AOAH: variants seen among roughly 807,000 people sequenced by gnomAD.
AOAH encodes the protein acyloxyacyl hydrolase, also known as acyloxyacyl hydrolase (neutrophil).
Under a neutral mutation model 92.2 loss-of-function variants are expected in AOAH, and 64 were observed. The ratio of observed to expected loss-of-function variants is 0.69; its 90% CI spans 0.57 to 0.86. The LOEUF (loss-of-function observed/expected upper bound fraction) is 0.86. AOAH is among the 40% of genes least tolerant of loss of function. The pLI is 0.00. For missense variants in AOAH, 656 were observed against 694.6 expected, an observed-to-expected ratio of 0.94 and a Z score of 0.62; for synonymous variants, 263 against 254.5, an observed-to-expected ratio of 1.03 and a Z score of -0.32.
intron 16 of AOAH, among the ~76,000 whole-genome samples, chr7:36,534,772 A>C (rs2116064742): frequency 6.6e-6 from 1 of 152,312 alleles, no homozygotes; most frequent in South Asian, 2.1e-4. Flanking sequence ...TGATCAAGAA[A>C]GCCCAGGGGC....
intron 1 of AOAH, among the ~76,000 whole-genome samples, chr7:36,723,530 T>G (rs1799782750): frequency 6.6e-6 from 1 of 152,140 alleles, no homozygotes; most frequent in South Asian, 2.1e-4. Flanking sequence ...ACAATTTCCA[T>G]GGTATCCCTA....
In AOAH at chr7:36,614,532, G is replaced by C. The variant is rs1004036337; in HGVS notation, c.846+1848C>G. Among the ~76,000 whole-genome samples, 1 of 152,160 alleles carries C rather than the reference G, an allele frequency of 6.6e-6. No individual in the cohort carries two copies. The highest frequency in any genetic ancestry group is 1.5e-5 in the Non-Finnish European group (1 of 68,028). Reference sequence around the variant, plus strand: ...GGAAACGGGGTCGACTCTGGATCCTGTCTCCTGCCACCTCTCAAGATGGGT... The same window carrying C: ...GGAAACGGGGTCGACTCTGGATCCTCTCTCCTGCCACCTCTCAAGATGGGT... On this transcript the variant is annotated intron_variant, in intron 11 of 20. Coordinates refer to ENST00000617537, the MANE Select transcript of AOAH (RefSeq NM_001637.4). The surrounding 1 kb of genome is among the most constrained non-coding windows in gnomAD (Gnocchi z 4.2).
At chr7:36,572,079 T>G (rs1487381380) in intron 13 of AOAH, among the ~76,000 whole-genome samples, 1 of 152,180 alleles carries the variant, frequency 6.6e-6, no homozygotes, top group Non-Finnish European at 1.5e-5. Flanking sequence ...TTACCCTGAT[T>G]TGATTATAAG....
At chr7:36,615,999 G>T (rs888473113) in intron 11 of AOAH, among the ~76,000 whole-genome samples, 1 of 152,226 alleles carries the variant, frequency 6.6e-6, no homozygotes, top group South Asian at 2.1e-4. Flanking sequence ...ATCAGGAGCC[G>T]AGCAGCCTGC....
chr7:36,587,393 A>G (rs1789421051), intron 12 of AOAH, among the ~76,000 whole-genome samples: 1 of 152,066 alleles, frequency 6.6e-6, no homozygotes, highest in African/African-American at 2.4e-5. Flanking sequence ...GCTGTCTTTG[A>G]TTCTACACAA....
intron 1 of AOAH, among the ~76,000 whole-genome samples, chr7:36,687,764 A>G (rs1264336146): frequency 6.6e-6 from 1 of 152,204 alleles, no homozygotes; most frequent in African/African-American, 2.4e-5. Flanking sequence ...CATCAATGCA[A>G]GGAGCTAGAG....
At chr7:36,705,332 A>T (rs937905638) in intron 1 of AOAH, among the ~76,000 whole-genome samples, 1 of 152,350 alleles carries the variant, frequency 6.6e-6, no homozygotes, top group East Asian at 1.9e-4. Flanking sequence ...AAGCATTCCA[A>T]TACATCAATA....
rs201623093 is a variant in AOAH at position 36,515,709 on chromosome 7, CCA to C, written c.1600-2331_1600-2330del. Among the ~76,000 whole-genome samples, 836 of 127,068 alleles carry C rather than the reference CCA, an allele frequency of 6.6e-3. 11 individuals carry two copies. The highest frequency in any genetic ancestry group is 0.011 in the Non-Finnish European group (678 of 60,526). The allele number at this position is 127,068 out of a possible 152,430, so 83.4% of individuals were successfully genotyped here. A position where few individuals can be genotyped will look rare whatever the true frequency, so the allele number is the denominator to read the frequency against. Reference sequence around the variant, plus strand: ...CACACACACATAATCACACACCCCCCCACACACCACACACCAACACCACACAC... The same window carrying C: ...CACACACACATAATCACACACCCCCCCACACCACACACCAACACCACACAC... On this transcript the variant is annotated intron_variant, in intron 20 of 20. Transcript: ENST00000617537.
At chr7:36,641,139 G>A (rs769559158) in intron 4 of AOAH, among the ~76,000 whole-genome samples, 3 of 152,178 alleles carry the variant, frequency 2.0e-5, no homozygotes, top group Non-Finnish European at 4.4e-5. Flanking sequence ...AGCACCTCAC[G>A]TGATCACAAA....
At position 36,690,216 on chromosome 7, in the gene AOAH, G is replaced by GC. The variant is rs1491346060; in HGVS notation, c.128-3423dup. 7.3e-5 allele frequency: 26 copies of GC among 358,336 alleles called. No homozygotes were observed. In the Admixed American group the frequency reaches 7.3e-4, roughly 10 times the overall value. The allele number at this position is 358,336 out of a possible 1,614,324, so 22.2% of individuals were successfully genotyped here. ...AAAATCATTAGCTAGATAAAAAGAAGCAAAAAAAATTATCTGTCTCTGAAC... is the reference window on the plus strand; with the variant it reads ...AAAATCATTAGCTAGATAAAAAGAAGCCAAAAAAAATTATCTGTCTCTGAAC... On this transcript the variant is annotated intron_variant, in intron 1 of 20. Transcript: ENST00000617537.
chr7:36,699,941 A>C (rs1177303234), intron 1 of AOAH, among the ~76,000 whole-genome samples: 2 of 151,984 alleles, frequency 1.3e-5, no homozygotes, highest in East Asian at 3.9e-4. Flanking sequence ...TCTTAGATTT[A>C]AGTTTTTAAT....
intron 4 of AOAH, among the ~76,000 whole-genome samples, chr7:36,648,092 A>G (rs1794344913): frequency 6.6e-6 from 1 of 151,926 alleles, no homozygotes; most frequent in African/African-American, 2.4e-5. Context: ...TCGACCTCCC[A>G]AAGTGCTGGG....
At chr7:36,663,248 G>C (rs918753975) in intron 3 of AOAH, among the ~76,000 whole-genome samples, 4 of 152,066 alleles carry the variant, frequency 2.6e-5, no homozygotes, top group African/African-American at 7.2e-5. Flanking sequence ...ACATGCACAG[G>C]CTCCCCTATT....
chr7:36,686,872 G>A lies in AOAH; in HGVS notation c.128-78C>T, dbSNP rs553622891. 1.6e-3 allele frequency: 19 copies of A among 12,246 alleles called. No homozygotes were observed. The African/African-American group carries it at 0.022, about 14-fold the overall frequency. The allele number at this position is 12,246 out of a possible 1,614,324, so 0.8% of individuals were successfully genotyped here. On this transcript the variant is annotated intron_variant, in intron 1 of 20. Transcript: ENST00000617537. The stretch of plus-strand genomic sequence containing the variant: ...GAGGGACAGGAGAAAGAAAGGATGC[G>A]TGTGTGTGTGTGTGTGTGTGTGTGT...
intron 13 of AOAH, among the ~76,000 whole-genome samples, chr7:36,556,451 G>GTA (rs1786718236): frequency 6.6e-6 from 1 of 152,146 alleles, no homozygotes; most frequent in South Asian, 2.1e-4. Context: ...TGAAAAAAAT[G>GTA]TATATTCTGC....
chr7:36,675,799 T>G (rs1417807520), intron 2 of AOAH, among the ~76,000 whole-genome samples: 1 of 152,156 alleles, frequency 6.6e-6, no homozygotes, highest in Admixed American at 6.5e-5. Context: ...CATGATCAGG[T>G]GGGATTTATC....
chr7:36,611,343 A>G (rs1164881642), intron 11 of AOAH, among the ~76,000 whole-genome samples: 1 of 152,194 alleles, frequency 6.6e-6, no homozygotes, highest in Non-Finnish European at 1.5e-5. Context: ...TGGGTTTCTC[A>G]TCAGCCCATT....
chr7:36,573,204 A>G (rs960374132), intron 13 of AOAH, among the ~76,000 whole-genome samples: 1 of 152,230 alleles, frequency 6.6e-6, no homozygotes, highest in African/African-American at 2.4e-5. Context: ...GAGAAGGACC[A>G]GAGGAGCCAG....
chr7:36,524,897 C>A (rs1784323574), intron 19 of AOAH, among the ~76,000 whole-genome samples: 1 of 152,060 alleles, frequency 6.6e-6, no homozygotes, highest in African/African-American at 2.4e-5. Flanking sequence ...ATAAGCCACC[C>A]AGTTCATGGT....
Sources: gnomAD v4.1 joint callset for allele counts (sites outside exome capture counted in the v4.1 genomes callset) on GRCh38, gnomAD v4.1.1 for gene constraint, Gnocchi (gnomAD v3.1) non-coding constraint, MANE v1.5 for transcripts, NCBI Gene and HGNC (gene_info 2026-07-23, HGNC 2026-07-21) for gene names.